DAB1: variants seen among roughly 807,000 people sequenced by gnomAD.
DAB1 encodes disabled homolog 1.
Under a neutral mutation model 64.6 loss-of-function variants are expected in DAB1, and 15 were observed. That is an observed-to-expected ratio of 0.23 (90% confidence interval 0.16 to 0.36). DAB1 has a LOEUF of 0.36. DAB1 is among the 10% of genes least tolerant of loss of function. DAB1 has a pLI of 1.00. For synonymous variants in DAB1, 235 were observed against 251.9 expected (o/e 0.93, Z 0.64); for missense variants, 596 against 706.7 (o/e 0.84, Z 1.78).
intron 4 of DAB1, among the ~76,000 whole-genome samples, chr1:58,322,911 T>C (rs1282803739): frequency 1.3e-5 from 2 of 151,996 alleles, no homozygotes; most frequent in East Asian, 3.9e-4. Flanking sequence ...TATGCAGCCA[T>C]AAAAAAGAAT....
chr1:57,928,292 T>C (rs796998646), intron 5 of DAB1, among the ~76,000 whole-genome samples: 2 of 152,168 alleles, frequency 1.3e-5, no homozygotes, highest in South Asian at 2.1e-4. Flanking sequence ...TTAATAGACT[T>C]TATTTTTTAG....
intron 5 of DAB1, among the ~76,000 whole-genome samples, chr1:58,114,288 A>G (rs1652183377): frequency 6.6e-6 from 1 of 152,146 alleles, no homozygotes; most frequent in African/African-American, 2.4e-5. Context: ...TAATTTCCAC[A>G]TCATCATTAA....
intron 4 of DAB1, among the ~76,000 whole-genome samples, chr1:58,342,675 C>A (rs1426872279): frequency 1.3e-5 from 2 of 152,094 alleles, no homozygotes; most frequent in Non-Finnish European, 2.9e-5. Context: ...CTCCAATGTA[C>A]CCTATATCAA....
intron 5 of DAB1, among the ~76,000 whole-genome samples, chr1:57,955,042 T>C (rs556977728): frequency 5.9e-5 from 9 of 152,362 alleles, no homozygotes; most frequent in African/African-American, 2.2e-4. Context: ...TTGTACAATG[T>C]GTTCCTGAAT....
At chr1:58,176,285 T>A (rs147736343) in intron 4 of DAB1, among the ~76,000 whole-genome samples, 1 of 152,322 alleles carries the variant, frequency 6.6e-6, no homozygotes, top group East Asian at 1.9e-4. Flanking sequence ...AAAAAGTCTA[T>A]AATTTAAGAC....
intron 7 of DAB1, among the ~76,000 whole-genome samples, chr1:57,430,842 T>C (rs977914129): frequency 6.6e-5 from 10 of 151,984 alleles, no homozygotes; most frequent in Non-Finnish European, 1.2e-4. Flanking sequence ...CTATCCTTTA[T>C]TTTAAAAATA....
At chr1:58,364,943 C>G (rs192477840) in intron 3 of DAB1, among the ~76,000 whole-genome samples, 4 of 152,330 alleles carry the variant, frequency 2.6e-5, no homozygotes, top group Admixed American at 1.3e-4. Context: ...CTTTCTTACT[C>G]TGGTTGCTGT....
intron 6 of DAB1, among the ~76,000 whole-genome samples, chr1:57,657,515 A>G (rs935260771): frequency 2.6e-5 from 4 of 152,308 alleles, no homozygotes; most frequent in African/African-American, 9.6e-5. Context: ...AGAGATTTGG[A>G]ACTTGATTTG....
chr1:57,606,035 T>C, intron 7 of DAB1: 1 of 634,782 alleles, frequency 1.6e-6, no homozygotes, highest in Non-Finnish European at 2.9e-6. Context: ...AGAATCTTGG[T>C]AGGTATTCAA....
intron 2 of DAB1, among the ~76,000 whole-genome samples, chr1:57,232,216 C>G (rs1376127993): frequency 6.7e-6 from 1 of 148,518 alleles, no homozygotes; most frequent in Non-Finnish European, 1.5e-5. Context: ...AGGGCTCTGA[C>G]AAGGCCAAGA....
chr1:57,712,658 T>C (rs1295106437), intron 6 of DAB1, among the ~76,000 whole-genome samples: 1 of 152,222 alleles, frequency 6.6e-6, no homozygotes, highest in African/African-American at 2.4e-5. Context: ...GGTAATTGTG[T>C]ACAACCCTGG....
At chr1:57,271,038 G>A (rs551743475) in intron 2 of DAB1, among the ~76,000 whole-genome samples, 2 of 152,266 alleles carry the variant, frequency 1.3e-5, no homozygotes, top group Admixed American at 6.5e-5. Context: ...GTTGGAAGAC[G>A]CTAATGCAAA....
chr1:57,341,800 C>G (rs1677611248), intron 1 of DAB1, among the ~76,000 whole-genome samples: 1 of 152,180 alleles, frequency 6.6e-6, no homozygotes, highest in African/African-American at 2.4e-5. Context: ...GTTCTCCACT[C>G]ATCTAATGGT....
At chr1:57,260,906 C>A (rs747928654) in intron 2 of DAB1, among the ~76,000 whole-genome samples, 7 of 152,156 alleles carry the variant, frequency 4.6e-5, no homozygotes, top group Non-Finnish European at 8.8e-5. Context: ...ACTCTGAAGA[C>A]AACCAGCCTG....
At chr1:57,739,330 C>G in intron 6 of DAB1, among the ~76,000 whole-genome samples, 1 of 151,638 alleles carries the variant, frequency 6.6e-6, no homozygotes, top group South Asian at 2.1e-4. Flanking sequence ...CTTTCTGTTA[C>G]TATCTTTCTC....
At chr1:57,013,866 A>G (rs2100317442) in intron 12 of DAB1, among the ~76,000 whole-genome samples, 1 of 152,318 alleles carries the variant, frequency 6.6e-6, no homozygotes, top group East Asian at 1.9e-4. Context: ...CAGAAGAAAT[A>G]TGAGCTGGAG....
chr1:58,216,164 A>T (rs1323038532), intron 4 of DAB1, among the ~76,000 whole-genome samples: 1 of 152,022 alleles, frequency 6.6e-6, no homozygotes, highest in East Asian at 1.9e-4. Context: ...ATTTCTCCCA[A>T]TGCTATCCCT....
At chr1:57,029,987 G>C (rs1465040270) in intron 9 of DAB1, among the ~76,000 whole-genome samples, 2 of 152,154 alleles carry the variant, frequency 1.3e-5, no homozygotes, top group African/African-American at 2.4e-5. Context: ...GAGGACATGA[G>C]ATTTGGAGGG....
intron 4 of DAB1, among the ~76,000 whole-genome samples, chr1:58,275,069 A>C (rs1661408922): frequency 6.6e-6 from 1 of 152,238 alleles, no homozygotes; most frequent in South Asian, 2.1e-4. Context: ...TGCCAAGAAC[A>C]CTTAATAAGG....
Sources: allele counts gnomAD v4.1 joint callset (sites outside exome capture counted in the v4.1 genomes callset), GRCh38; gene constraint gnomAD v4.1.1; transcripts MANE v1.5; gene names NCBI Gene and HGNC (gene_info 2026-07-23, HGNC 2026-07-21).